Variants in POLR2B observed in about 807,000 individuals in gnomAD.
POLR2B encodes RNA polymerase II subunit B.
POLR2B carries 57 observed loss-of-function variants against 144.6 expected under a neutral mutation model. That is an observed-to-expected ratio of 0.39 (90% confidence interval 0.32 to 0.49). POLR2B has a LOEUF of 0.49. Among genes scored for constraint, POLR2B ranks in the 20% least tolerant of loss-of-function variants. The pLI, the probability that POLR2B is intolerant of heterozygous loss-of-function variation, is 0.83. For missense variants in POLR2B, 595 were observed against 1,467.4 expected, an observed-to-expected ratio of 0.41 and a Z score of 9.71; for synonymous variants, 442 against 469.8, an observed-to-expected ratio of 0.94 and a Z score of 0.77.
intron 1 of POLR2B, 74 bp from the exon 2 acceptor site, chr4:56,986,280 T>C (rs1001145058): frequency 8.0e-6 from 7 of 873,954 alleles, no homozygotes; most frequent in Non-Finnish European, 7.9e-6. Context: ...TTTCTGCTAC[T>C]TAAAGTCATA....
At position 57,010,985 on chromosome 4, in the gene POLR2B, G is replaced by A. The variant is rs752312350; in HGVS notation, c.1689-4G>A. 4 of 1,612,190 alleles carry A rather than the reference G, an allele frequency of 2.5e-6. No individual in the cohort carries two copies. In the East Asian group the frequency reaches 6.7e-5, roughly 27 times the overall value. On this transcript the variant is annotated splice_region_variant and splice_polypyrimidine_tract_variant and intron_variant, in intron 12 of 24. Transcript: ENST00000314595. ...TGTAAAATGCTTTTGCTTTTTCATTGTAGTGCAACCAAGATTTTTGTTAAT... is the reference window on the plus strand; with the variant it reads ...TGTAAAATGCTTTTGCTTTTTCATTATAGTGCAACCAAGATTTTTGTTAAT...
At chr4:56,992,464 CAAAAA>C (rs1209234628) in intron 3 of POLR2B, among the ~76,000 whole-genome samples, 5 of 17,136 alleles carry the variant, frequency 2.9e-4, no homozygotes, top group Non-Finnish European at 4.4e-4. Flanking sequence ...GACTCTGTCT[CAAAAA>C]AAAAAAAAAA....
In POLR2B at chr4:57,005,438, T is replaced by C; in HGVS notation, c.1093T>C (p.Leu365=). The C allele has an allele frequency of 6.4e-7, 1 of 1,574,764 alleles. No homozygotes were observed. The change falls in exon 8 of 25, where the codon TTG becomes CTG. Residue 365 remains leucine, a synonymous_variant. Coordinates refer to ENST00000314595, the MANE Select transcript of POLR2B (RefSeq NM_000938.3). ...DFCETKKAYF[L]GYMVHRLLLA... ...TTGTGAGACCAAAAAAGCCTATTTC[T>C]TGGGGTATGTTAAGTTTCATTGTTT...
intron 2 of POLR2B, among the ~76,000 whole-genome samples, chr4:56,990,359 G>A (rs1296279074): frequency 1.3e-5 from 2 of 152,016 alleles, no homozygotes; most frequent in East Asian, 3.9e-4. Flanking sequence ...TTGAATATGT[G>A]GGACTATAGG....
At chr4:57,006,740 T>G (rs189820837) in intron 9 of POLR2B, 76 bp from the exon 10 acceptor site, 22 of 1,230,070 alleles carry the variant, frequency 1.8e-5, no homozygotes, top group Middle Eastern at 2.9e-4. Flanking sequence ...CACGCTTTTT[T>G]TTGCAATATT....
intron 1 of POLR2B, among the ~76,000 whole-genome samples, chr4:56,980,544 G>A (rs1722125919): frequency 6.6e-6 from 1 of 152,034 alleles, no homozygotes; most frequent in Admixed American, 6.6e-5. Context: ...CAACATGGGA[G>A]ACCCCTCTCT....
intron 1 of POLR2B, among the ~76,000 whole-genome samples, chr4:56,981,917 A>T (rs1722167026): frequency 6.6e-6 from 1 of 152,244 alleles, no homozygotes; most frequent in Non-Finnish European, 1.5e-5. Context: ...TTTAAAACTT[A>T]TCTAAACCCT....
At chr4:57,013,697 C>T (rs1723273121) in intron 13 of POLR2B, among the ~76,000 whole-genome samples, 1 of 152,094 alleles carries the variant, frequency 6.6e-6, no homozygotes, top group African/African-American at 2.4e-5. Flanking sequence ...TGCCACCACA[C>T]CCAGGTTTTG....
At chr4:56,996,206 A>ATGTGTGTGTGTGTGTGTG (rs59059584) in intron 6 of POLR2B, among the ~76,000 whole-genome samples, 2,336 of 115,034 alleles carry the variant, frequency 0.02, 39 homozygotes, top group Non-Finnish European at 0.03. Flanking sequence ...ATTTCAGTTC[A>ATGTGTGTGTGTGTGTGTG]TGTGTGTGTG....
In POLR2B at chr4:57,017,040, T is replaced by C; in HGVS notation, c.1956-3T>C. On this transcript the variant is annotated splice_region_variant and splice_polypyrimidine_tract_variant and intron_variant, in intron 14 of 24. Coordinates refer to ENST00000314595, the MANE Select transcript of POLR2B (RefSeq NM_000938.3). The surrounding 1 kb of genome is among the most constrained non-coding windows in gnomAD (Gnocchi z 4.8). ...GTAGAAAATTGAGTGAATTCTTTTT[T>C]AGTTGGCAGGATCTTGTGGCCAGTG... 1.3e-6 allele frequency: 2 copies of C among 1,551,828 alleles called. No individual in the cohort carries two copies. Among genetic ancestry groups the C allele is most frequent in the Non-Finnish European group, 1.7e-6 (2 of 1,145,528 alleles).
chr4:56,982,163 G>T (rs972380320), intron 1 of POLR2B, among the ~76,000 whole-genome samples: 1 of 151,870 alleles, frequency 6.6e-6, no homozygotes, highest in African/African-American at 2.4e-5. Context: ...TAGCCAACTA[G>T]GATATCTCCC....
chr4:57,021,152 C>G (rs375695816), intron 17 of POLR2B, among the ~76,000 whole-genome samples, 157 bp downstream of exon 17: 1 of 151,206 alleles, frequency 6.6e-6, no homozygotes, highest in Non-Finnish European at 1.5e-5. Flanking sequence ...ACTTGTATCT[C>G]TCAGGATTTT....
In POLR2B at chr4:57,023,983, C is replaced by T. The variant is rs765404882; in HGVS notation, c.2857-22C>T. On this transcript the variant is annotated intron_variant, in intron 20 of 24. Transcript: ENST00000314595. This position sits in a 1 kb window ranked among gnomAD's most constrained non-coding sequence, Gnocchi z 4.3. Reference sequence around the variant, plus strand: ...GTTTAGTATATGTATCTTTGAGTCCCTTTTAAAATTTTTCTTTGTAGGATA... The same window carrying T: ...GTTTAGTATATGTATCTTTGAGTCCTTTTTAAAATTTTTCTTTGTAGGATA... The T allele has an allele frequency of 7.3e-7, 1 of 1,377,078 alleles. No homozygotes were observed. The highest frequency in any genetic ancestry group is 1.3e-5 in the South Asian group (1 of 77,586). 85.3% of individuals were successfully genotyped at this position (1,377,078 alleles called of 1,614,324 possible).
rs1185772578 is a variant in POLR2B at position 56,995,190 on chromosome 4, C to CT, written c.577-60dup. 5.6e-6 allele frequency: 7 copies of CT among 1,255,074 alleles called. No homozygotes were observed. In the South Asian group the frequency reaches 7.1e-5, roughly 13 times the overall value. 77.7% of individuals were successfully genotyped at this position (1,255,074 alleles called of 1,614,324 possible). A position where few individuals can be genotyped will look rare whatever the true frequency, so the allele number is the denominator to read the frequency against. On this transcript the variant is annotated intron_variant, in intron 5 of 24. Coordinates refer to ENST00000314595, the MANE Select transcript of POLR2B (RefSeq NM_000938.3). ...ATTAAATTAAGATGCAGATTTTACT[C>CT]TCTTTTCTCTTCAGTGATGTTTTGG...
chr4:56,985,423 C>G (rs1261460503), intron 1 of POLR2B: 57 of 985,134 alleles, frequency 5.8e-5, no homozygotes, highest in Admixed American at 1.8e-4. Context: ...GCACTCCCCC[C>G]CGCCGCCCCG....
intron 11 of POLR2B, 112 bp downstream of exon 11, chr4:57,010,616 A>C: frequency 7.4e-7 from 1 of 1,354,374 alleles, no homozygotes; most frequent in South Asian, 1.4e-5. Flanking sequence ...TTTAGAAATA[A>C]GTTTTTTTTA....
chr4:56,994,678 A>G lies in POLR2B; in HGVS notation c.388A>G (p.Lys130Glu), dbSNP rs1256014183. Reference protein sequence around the residue: ...YSAPLYVDITKTVIKEGEEQL... With the variant: ...YSAPLYVDITETVIKEGEEQL... ...TGCTCCGCTTTATGTTGATATAACA[A>G]AAACAGTCATTAAAGAAGGTGAAGA... The change falls in exon 5 of 25, where the codon AAA becomes GAA. Residue 130 changes from lysine (K) to glutamate (E), a missense_variant. Coordinates refer to ENST00000314595, the MANE Select transcript of POLR2B (RefSeq NM_000938.3). 6.2e-7 allele frequency: 1 copy of G among 1,612,566 alleles called. No homozygotes were observed. Among genetic ancestry groups the G allele is most frequent in the Non-Finnish European group, 8.5e-7 (1 of 1,178,714 alleles).
intron 7 of POLR2B, among the ~76,000 whole-genome samples, chr4:57,003,667 A>G (rs899784035): frequency 6.6e-6 from 1 of 151,534 alleles, no homozygotes; most frequent in African/African-American, 2.4e-5. Context: ...AGCTTGGGAA[A>G]CTCTGTCTCT....
Position 56,992,464 on chromosome 4 carries a change from CAA to C in POLR2B, c.243+1593_243+1594del, listed in dbSNP as rs1209234628. Among the ~76,000 whole-genome samples, 100 of 17,116 alleles carry C rather than the reference CAA, an allele frequency of 5.8e-3. 1 individual carries two copies. The highest frequency in any genetic ancestry group is 0.027 in the East Asian group (8 of 298). The allele number at this position is 17,116 out of a possible 152,430, so 11.2% of individuals were successfully genotyped here. ...TGGGCGAGAGGTCGAGACTCTGTCT[CAA>C]AAAAAAAAAAAAAAAAAAAAAAAAA... On this transcript the variant is annotated intron_variant, in intron 3 of 24. Coordinates refer to ENST00000314595, the MANE Select transcript of POLR2B (RefSeq NM_000938.3).
Sources: allele counts gnomAD v4.1 joint callset (sites outside exome capture counted in the v4.1 genomes callset), GRCh38; gene constraint gnomAD v4.1.1; non-coding constraint Gnocchi (gnomAD v3.1); transcripts MANE v1.5; gene names NCBI Gene and HGNC (gene_info 2026-07-23, HGNC 2026-07-21).